Variants in UNC13B observed in about 807,000 individuals in gnomAD.
The protein encoded by UNC13B is protein unc-13 homolog B.
UNC13B carries 144 observed loss-of-function variants against 211.0 expected under a neutral mutation model. That is an observed-to-expected ratio of 0.68 (90% CI 0.60 to 0.78). The LOEUF is 0.78. Ranked by LOEUF, UNC13B falls within the 30% of genes least tolerant of loss-of-function variation. The pLI is 0.00. For missense variants in UNC13B, 1,777 were observed against 2,002.0 expected (o/e 0.89, Z 2.14); for synonymous variants, 709 against 725.8 (o/e 0.98, Z 0.37).
chr9:35,238,236 C>A (rs998824471), intron 5 of UNC13B, among the ~76,000 whole-genome samples: 2 of 152,116 alleles, frequency 1.3e-5, no homozygotes, highest in African/African-American at 4.8e-5. Flanking sequence ...AATCACAATA[C>A]ATGCTCATGA....
At chr9:35,300,074 C>A (rs1408359552) in intron 8 of UNC13B, 92 bp from the exon 9 acceptor site, 2 of 397,332 alleles carry the variant, frequency 5.0e-6, no homozygotes, top group Non-Finnish European at 8.9e-6. Flanking sequence ...ACAAAAACAA[C>A]CAAAGTATAA....
At chr9:35,261,917 T>C (rs1489130578) in intron 7 of UNC13B, among the ~76,000 whole-genome samples, 1 of 152,194 alleles carries the variant, frequency 6.6e-6, no homozygotes, top group Non-Finnish European at 1.5e-5. Flanking sequence ...CATAATGTCC[T>C]CCAGTTTCAT....
chr9:35,242,747 T>C (rs550207278), intron 5 of UNC13B, among the ~76,000 whole-genome samples: 3 of 152,330 alleles, frequency 2.0e-5, no homozygotes, highest in African/African-American at 7.2e-5. Flanking sequence ...ACTAGGAACT[T>C]GGGTGTGCAC....
intron 11 of UNC13B, chr9:35,342,229 G>A (rs1832046635): frequency 1.0e-6 from 1 of 985,662 alleles, no homozygotes; most frequent in Non-Finnish European, 1.2e-6. Context: ...AAACCAAGGA[G>A]TGCTCCTGGA....
At chr9:35,401,848 G>A in intron 37 of UNC13B, 1 of 1,108,292 alleles carries the variant, frequency 9.0e-7, no homozygotes, top group Non-Finnish European at 1.3e-6. Context: ...CAGAATATGT[G>A]TAGAGCTGCT....
At chr9:35,318,357 A>G (rs1479736631) in intron 11 of UNC13B, among the ~76,000 whole-genome samples, 1 of 152,204 alleles carries the variant, frequency 6.6e-6, no homozygotes. Context: ...GAGAGAAAGA[A>G]GTTAAGCACA....
In UNC13B at chr9:35,380,453, G is replaced by T; in HGVS notation, c.10206-17G>T. ...ACTGGGTCTGCCCCTAACAGAGCCTGCCTAATTCTCTCACAGTGAGTGCCA... is the reference window on the plus strand; with the variant it reads ...ACTGGGTCTGCCCCTAACAGAGCCTTCCTAATTCTCTCACAGTGAGTGCCA... On this transcript the variant is annotated splice_polypyrimidine_tract_variant and intron_variant, in intron 17 of 39. Coordinates refer to ENST00000635942, the MANE Select transcript of UNC13B (RefSeq NM_001371189.2). 6.2e-7 allele frequency: 1 copy of T among 1,612,774 alleles called. No homozygotes were observed. The highest frequency in any genetic ancestry group is 8.5e-7 in the Non-Finnish European group (1 of 1,179,032).
chr9:35,317,715 T>G (rs1182015209), intron 11 of UNC13B, among the ~76,000 whole-genome samples: 2 of 149,652 alleles, frequency 1.3e-5, no homozygotes, highest in East Asian at 3.9e-4. Context: ...TTTTTAATTT[T>G]TAGTAGAGAT....
chr9:35,381,968 C>G (rs1834875575), intron 20 of UNC13B, among the ~76,000 whole-genome samples: 1 of 152,130 alleles, frequency 6.6e-6, no homozygotes, highest in South Asian at 2.1e-4. Flanking sequence ...GGGAAAGAGG[C>G]ATGTGAGAGT....
intron 26 of UNC13B, among the ~76,000 whole-genome samples, chr9:35,394,221 T>C (rs1835729541): frequency 6.6e-6 from 1 of 152,160 alleles, no homozygotes; most frequent in Admixed American, 6.5e-5. Context: ...GTTGGTGTAC[T>C]CTGTTCCACT....
Position 35,385,669 on chromosome 9 carries a change from G to A in UNC13B, c.10876-55G>A, listed in dbSNP as rs377203751. On this transcript the variant is annotated intron_variant, in intron 22 of 39. Coordinates refer to ENST00000635942, the MANE Select transcript of UNC13B (RefSeq NM_001371189.2). ...GCTTTTGATATCATCACTTTTGGCA[G>A]GGAAGGTTTTCATAGTCCTCTGTTC... 1,573 of 1,528,096 alleles carry A rather than the reference G, an allele frequency of 1.0e-3. 20 individuals carry two copies. In the South Asian group the frequency reaches 0.015, roughly 15 times the overall value. The allele number at this position is 1,528,096 out of a possible 1,614,324, so 94.7% of individuals were successfully genotyped here. A position where few individuals can be genotyped will look rare whatever the true frequency, so the allele number is the denominator to read the frequency against.
chr9:35,291,129 T>C (rs1387359559), intron 7 of UNC13B: 1 of 1,549,726 alleles, frequency 6.5e-7, no homozygotes, highest in Admixed American at 2.0e-5. Context: ...AAATTCCTTA[T>C]CATTTTCTTG....
intron 7 of UNC13B, among the ~76,000 whole-genome samples, chr9:35,280,871 G>T (rs189606228): frequency 8.6e-4 from 131 of 152,282 alleles, no homozygotes; most frequent in African/African-American, 3.0e-3. Flanking sequence ...AAAAATGTCA[G>T]ATTAATGTAT....
At chr9:35,353,130 C>T (rs2132075974) in intron 11 of UNC13B, 1 of 1,232,146 alleles carries the variant, frequency 8.1e-7, no homozygotes. Context: ...GGGCCTGAGA[C>T]TTTCAGTGAC....
chr9:35,354,339 G>A (rs1481950776), intron 11 of UNC13B, among the ~76,000 whole-genome samples: 1 of 152,164 alleles, frequency 6.6e-6, no homozygotes, highest in Non-Finnish European at 1.5e-5. Context: ...ATAGGCCCCT[G>A]TGGGAATTTC....
Position 35,398,473 on chromosome 9 carries a change from T to G in UNC13B, c.11833-81T>G, listed in dbSNP as rs1836038986. The stretch of plus-strand genomic sequence containing the variant: ...GAGGAATAGGCACTGGGGTAAGCCC[T>G]GCAAGGAAGTAGTAGGGGTGTGGCA... On this transcript the variant is annotated intron_variant, in intron 31 of 39. Coordinates refer to ENST00000635942, the MANE Select transcript of UNC13B (RefSeq NM_001371189.2). The G allele has an allele frequency of 2.0e-6, 3 of 1,477,308 alleles. No individual in the cohort carries two copies. In the Admixed American group the frequency reaches 5.1e-5, roughly 25 times the overall value. 91.5% of individuals were successfully genotyped at this position (1,477,308 alleles called of 1,614,324 possible).
At chr9:35,311,482 G>C (rs1830178877) in intron 10 of UNC13B, among the ~76,000 whole-genome samples, 1 of 152,184 alleles carries the variant, frequency 6.6e-6, no homozygotes, top group Non-Finnish European at 1.5e-5. Flanking sequence ...GCCCAAACTT[G>C]TTCAAAGGGG....
At chr9:35,236,622 C>T (rs371984527) in intron 4 of UNC13B, 36 bp downstream of exon 4, 3 of 1,551,798 alleles carry the variant, frequency 1.9e-6, no homozygotes, top group Non-Finnish European at 1.8e-6. Context: ...AAGTATGGTT[C>T]CCAGCCCATG....
chr9:35,285,058 G>T (rs1218517057), intron 7 of UNC13B, among the ~76,000 whole-genome samples: 2 of 152,170 alleles, frequency 1.3e-5, no homozygotes, highest in Non-Finnish European at 2.9e-5. Context: ...TGTTGCTGTA[G>T]CCTAGTCAGC....
Sources: allele counts gnomAD v4.1 joint callset (sites outside exome capture counted in the v4.1 genomes callset), GRCh38; gene constraint gnomAD v4.1.1; transcripts MANE v1.5; gene names NCBI Gene and HGNC (gene_info 2026-07-23, HGNC 2026-07-21).